ISG20: variants seen among roughly 807,000 people sequenced by gnomAD.
ISG20 encodes the protein interferon-stimulated gene 20 kDa protein.
A neutral mutation model predicts 11.1 loss-of-function variants in ISG20; 8 were observed. That is an observed-to-expected ratio of 0.72 (90% CI 0.42 to 1.30). ISG20 has a LOEUF of 1.30. Among genes scored for constraint, ISG20 ranks in the 50% most tolerant of loss-of-function variants. The pLI, the probability that ISG20 is intolerant of heterozygous loss-of-function variation, is 0.01. For synonymous variants in ISG20, 110 were observed against 101.7 expected, an observed-to-expected ratio of 1.08 and a Z score of -0.49; for missense variants, 243 against 250.2, an observed-to-expected ratio of 0.97 and a Z score of 0.19.
chr15:88,644,668 GA>G (rs2058140656), intron 2 of ISG20, among the ~76,000 whole-genome samples: 1 of 152,134 alleles, frequency 6.6e-6, no homozygotes, highest in Non-Finnish European at 1.5e-5. Context: ...AACGTTTGGA[GA>G]GTCACCAGAA....
Position 88,655,512 on chromosome 15 carries a change from G to T in ISG20, c.527G>T (p.Arg176Leu). 1 of 1,613,666 alleles carries T rather than the reference G, an allele frequency of 6.2e-7. No individual in the cohort carries two copies. Among genetic ancestry groups the T allele is most frequent in the Non-Finnish European group, 8.5e-7 (1 of 1,179,964 alleles). ...QRIRARRGLP[R>L]LAVSD Reference sequence around the variant, plus strand: ...ATCCGAGCCCGCCGAGGGCTGCCCCGCCTGGCTGTGTCAGACTGAAGCCCC... The same window carrying T: ...ATCCGAGCCCGCCGAGGGCTGCCCCTCCTGGCTGTGTCAGACTGAAGCCCC... The change falls in exon 4 of 4, where the codon CGC becomes CTC. Residue 176 changes from arginine to leucine, a missense_variant. Transcript: ENST00000306072.
chr15:88,645,107 C>T (rs187465153), intron 2 of ISG20, among the ~76,000 whole-genome samples: 28 of 152,296 alleles, frequency 1.8e-4, no homozygotes, highest in African/African-American at 5.8e-4. Context: ...AGCCACTGAA[C>T]GATGAGGCAG....
At chr15:88,642,207 G>A (rs2058093613) in intron 2 of ISG20, among the ~76,000 whole-genome samples, 1 of 152,114 alleles carries the variant, frequency 6.6e-6, no homozygotes, top group Non-Finnish European at 1.5e-5. Flanking sequence ...GGGATTACAG[G>A]TGTGAATCAC....
intron 3 of ISG20, among the ~76,000 whole-genome samples, chr15:88,653,369 A>G (rs1429773304): frequency 6.6e-6 from 1 of 152,264 alleles, no homozygotes; most frequent in African/African-American, 2.4e-5. Context: ...GAAGGCATAC[A>G]GAGTGGGGCC....
At chr15:88,642,637 G>A (rs1359761249) in intron 2 of ISG20, among the ~76,000 whole-genome samples, 1 of 148,840 alleles carries the variant, frequency 6.7e-6, no homozygotes, top group African/African-American at 2.5e-5. Flanking sequence ...GTTGTTTTGA[G>A]ACGAAGTCTC....
Position 88,656,234 on chromosome 15 carries a change from G to A in ISG20, c.*703G>A, listed in dbSNP as rs771636777. On this transcript the variant is annotated 3_prime_UTR_variant, in exon 4 of 4. Transcript: ENST00000306072. ...AGCCCCCAGCACCATGCCTGTCCTAGCTTAAGCACCCACCAGGTGTCGATA... is the reference window on the plus strand; with the variant it reads ...AGCCCCCAGCACCATGCCTGTCCTAACTTAAGCACCCACCAGGTGTCGATA... 1.3e-5 allele frequency: 2 copies of A among 152,106 alleles called. No homozygotes were observed. The highest frequency in any genetic ancestry group is 2.9e-5 in the Non-Finnish European group (2 of 68,044). The allele number at this position is 152,106 out of a possible 1,614,324, so 9.4% of individuals were successfully genotyped here.
chr15:88,642,184 C>T (rs1012464188), intron 2 of ISG20, among the ~76,000 whole-genome samples: 1 of 152,032 alleles, frequency 6.6e-6, no homozygotes, highest in African/African-American at 2.4e-5. Context: ...CCTCCTTGGC[C>T]TCCCAAATTG....
At chr15:88,649,881 G>A (rs954039676) in intron 2 of ISG20, 9 of 313,698 alleles carry the variant, frequency 2.9e-5, no homozygotes, top group South Asian at 1.5e-4. Context: ...CATGTGGACC[G>A]CGGGGCAGGC....
intron 2 of ISG20, among the ~76,000 whole-genome samples, chr15:88,642,352 G>A (rs938770222): frequency 1.3e-5 from 2 of 152,142 alleles, no homozygotes; most frequent in South Asian, 2.1e-4. Context: ...AATAAATCAC[G>A]TTCTGAGGTA....
intron 2 of ISG20, among the ~76,000 whole-genome samples, chr15:88,642,140 G>C (rs1427054931): frequency 6.6e-6 from 1 of 151,872 alleles, no homozygotes; most frequent in African/African-American, 2.4e-5. Flanking sequence ...TGTTGCCCAG[G>C]CTGGTCTTGA....
upstream of ISG20, chr15:88,637,332 ATTTTTT>A (rs66503151): frequency 1.5e-3 from 200 of 137,796 alleles, 1 homozygote; most frequent in East Asian, 3.9e-3. Flanking sequence ...TTGAGGTTTG[ATTTTTT>A]TTTTTTTTTT....
chr15:88,652,020 C>A, intron 2 of ISG20, 90 bp from the exon 3 acceptor site: 1 of 1,576,832 alleles, frequency 6.3e-7, no homozygotes, highest in Non-Finnish European at 8.6e-7. Context: ...GTCACACAGC[C>A]AGTCAAGGAG....
In ISG20 at chr15:88,655,497, G is replaced by A. The variant is rs757238433; in HGVS notation, c.512G>A (p.Arg171His). Reference protein sequence around the residue: ...LYQISQRIRARRGLPRLAVSD With the variant: ...LYQISQRIRAHRGLPRLAVSD ...CAAATCTCCCAGAGAATCCGAGCCC[G>A]CCGAGGGCTGCCCCGCCTGGCTGTG... The change falls in exon 4 of 4, where the codon CGC becomes CAC. Residue 171 changes from arginine to histidine, a missense_variant. By Grantham distance (29) the Arg-to-His change is conservative (BLOSUM62 0). Transcript: ENST00000306072. 26 of 1,613,502 alleles carry A rather than the reference G, an allele frequency of 1.6e-5. No individual in the cohort carries two copies. In the East Asian group the frequency reaches 3.1e-4, roughly 19 times the overall value.
chr15:88,645,633 C>G (rs1596051304), intron 2 of ISG20, among the ~76,000 whole-genome samples: 1 of 152,144 alleles, frequency 6.6e-6, no homozygotes, highest in South Asian at 2.1e-4. Context: ...CTTGCTTTCT[C>G]TCATAGCTCA....
At chr15:88,651,372 A>G (rs1281909897) in intron 2 of ISG20, 1 of 865,318 alleles carries the variant, frequency 1.2e-6, no homozygotes, top group East Asian at 1.2e-4. Flanking sequence ...ACAGTTCTGT[A>G]GTTTCGAAGT....
chr15:88,654,987 G>A (rs974586862), intron 3 of ISG20, among the ~76,000 whole-genome samples: 6 of 152,092 alleles, frequency 3.9e-5, no homozygotes, highest in Non-Finnish European at 7.4e-5. Context: ...AAATGCTTGC[G>A]GCCTTTCCTT....
Position 88,651,351 on chromosome 15 carries a change from T to C in ISG20, c.229-759T>C, listed in dbSNP as rs183262438. The C allele has an allele frequency of 1.7e-4, 158 of 927,468 alleles. No individual in the cohort carries two copies. In the East Asian group the frequency reaches 0.011, roughly 66 times the overall value. 57.5% of individuals were successfully genotyped at this position (927,468 alleles called of 1,614,324 possible). A position where few individuals can be genotyped will look rare whatever the true frequency, so the allele number is the denominator to read the frequency against. On this transcript the variant is annotated intron_variant, in intron 2 of 3. Coordinates refer to ENST00000306072, the MANE Select transcript of ISG20 (RefSeq NM_002201.6). ...ACTTAGTGATTCACAGCAACACAGA[T>C]GTCTTCTCTTACAGTTCTGTAGTTT... is the stretch of plus-strand genomic sequence containing the variant.
Position 88,639,733 on chromosome 15 carries a change from G to A in ISG20, c.228+139G>A, listed in dbSNP as rs2141387641. The A allele has an allele frequency of 1.5e-6, 1 of 673,820 alleles. No homozygotes were observed. Among genetic ancestry groups the A allele is most frequent in the Non-Finnish European group, 2.5e-6 (1 of 394,634 alleles). The allele number at this position is 673,820 out of a possible 1,614,324, so 41.7% of individuals were successfully genotyped here. ...CACTGCTGTTGGGAGAAAGCCGGTG[G>A]TGTCTCCATCACATCCTGGAGAAGG... is the stretch of plus-strand genomic sequence containing the variant. On this transcript the variant is annotated intron_variant, in intron 2 of 3. Coordinates refer to ENST00000306072, the MANE Select transcript of ISG20 (RefSeq NM_002201.6). The surrounding 1 kb of genome is among the most constrained non-coding windows in gnomAD (Gnocchi z 4.2).
At chr15:88,641,170 A>G (rs2058074741) in intron 2 of ISG20, among the ~76,000 whole-genome samples, 1 of 151,510 alleles carries the variant, frequency 6.6e-6, no homozygotes, top group Non-Finnish European at 1.5e-5. Context: ...TTTTTTTTGC[A>G]TTTTTGGTAG....
Sources: allele counts gnomAD v4.1 joint callset (sites outside exome capture counted in the v4.1 genomes callset), GRCh38; gene constraint gnomAD v4.1.1; non-coding constraint Gnocchi (gnomAD v3.1); transcripts MANE v1.5; gene names NCBI Gene and HGNC (gene_info 2026-07-23, HGNC 2026-07-21).